The following NFAT5 variants were observed in gnomAD, a reference collection of about 807,000 sequenced individuals.
NFAT5 encodes nuclear factor of activated T-cells 5.
NFAT5 carries 31 observed loss-of-function variants against 166.5 expected under a neutral mutation model. The observed-to-expected ratio is 0.19, with a 90% CI of 0.14 to 0.25. The LOEUF (loss-of-function observed/expected upper bound fraction) is 0.25, where lower values mean the gene tolerates loss of function less well. Ranked by LOEUF, NFAT5 falls within the 10% of genes least tolerant of loss-of-function variation. NFAT5 has a pLI of 1.00. For synonymous variants in NFAT5, 612 were observed against 639.7 expected, an observed-to-expected ratio of 0.96 and a Z score of 0.65; for missense variants, 1,449 against 1,821.8, an observed-to-expected ratio of 0.80 and a Z score of 3.72.
At chr16:69,615,141 A>G (rs935548863) in intron 2 of NFAT5, among the ~76,000 whole-genome samples, 1 of 151,380 alleles carries the variant, frequency 6.6e-6, no homozygotes, top group Non-Finnish European at 1.5e-5. Context: ...TCCTGGGTTC[A>G]AGAGATTCTT....
intron 7 of NFAT5, among the ~76,000 whole-genome samples, chr16:69,667,230 A>G (rs1444493101): frequency 6.6e-6 from 1 of 150,890 alleles, no homozygotes; most frequent in Non-Finnish European, 1.5e-5. Flanking sequence ...CTAGATGACG[A>G]GTTAGTGGGT....
chr16:69,621,004 G>C (rs925941975), intron 2 of NFAT5, among the ~76,000 whole-genome samples: 1 of 152,022 alleles, frequency 6.6e-6, no homozygotes, highest in Non-Finnish European at 1.5e-5. Flanking sequence ...TCTTCTTCTT[G>C]TTTACAATAA....
chr16:69,610,209 G>A (rs1033604904), intron 2 of NFAT5, among the ~76,000 whole-genome samples: 2 of 152,128 alleles, frequency 1.3e-5, no homozygotes, highest in African/African-American at 4.8e-5. Context: ...ATAATGGGGT[G>A]GAAGTTGGAA....
intron 3 of NFAT5, among the ~76,000 whole-genome samples, chr16:69,646,356 T>G (rs964623415): frequency 6.6e-6 from 1 of 152,242 alleles, no homozygotes; most frequent in African/African-American, 2.4e-5. Context: ...TTCATCTTGA[T>G]TCTCCTAGAT....
rs137954061 is a variant in NFAT5 at position 69,646,297 on chromosome 16, C to T, written c.254-731C>T. ...CTACCACTTCCAGCTTCTGGAGACC[C>T]AATGATTAACTTGCTTCTACAACCC... On this transcript the variant is annotated intron_variant, in intron 3 of 14. Coordinates refer to ENST00000349945, the MANE Select transcript of NFAT5 (RefSeq NM_138713.4). Among the ~76,000 whole-genome samples the T allele has an allele frequency of 3.0e-4, 45 of 152,290 alleles. No individual in the cohort carries two copies. The East Asian group carries it at 8.3e-3, about 28-fold the overall frequency.
intron 2 of NFAT5, among the ~76,000 whole-genome samples, chr16:69,590,458 C>G (rs1376602103): frequency 6.6e-6 from 1 of 152,078 alleles, no homozygotes; most frequent in Non-Finnish European, 1.5e-5. Context: ...CTAGTTCTTT[C>G]TTTGTATTTG....
At chr16:69,670,585 C>G (rs1174507715) in intron 9 of NFAT5, among the ~76,000 whole-genome samples, 1 of 152,142 alleles carries the variant, frequency 6.6e-6, no homozygotes, top group Non-Finnish European at 1.5e-5. Flanking sequence ...TCTTAATCCA[C>G]TATATAGTTA....
chr16:69,574,671 T>G (rs1210415375), intron 2 of NFAT5, among the ~76,000 whole-genome samples: 1 of 152,048 alleles, frequency 6.6e-6, no homozygotes, highest in East Asian at 1.9e-4. Context: ...TTTTCTCTTT[T>G]TTTTTTTTGG....
chr16:69,701,400 A>C lies in NFAT5; in HGVS notation c.*5049A>C, dbSNP rs2037896285. 6.6e-6 allele frequency: 1 copy of C among 152,608 alleles called. No homozygotes were observed. The highest frequency in any genetic ancestry group is 1.5e-5 in the Non-Finnish European group (1 of 68,024). 9.5% of individuals were successfully genotyped at this position (152,608 alleles called of 1,614,324 possible). A position where few individuals can be genotyped will look rare whatever the true frequency, so the allele number is the denominator to read the frequency against. ...ATGGAAAAGTGCCTTTTTATCATTT[A>C]TAATTTCATTTTTCACTATTTCCAA... On this transcript the variant is annotated 3_prime_UTR_variant, in exon 15 of 15. Transcript: ENST00000349945.
rs761189845 is a variant in NFAT5 at position 69,588,340 on chromosome 16, A to G, written c.127+19792A>G. On this transcript the variant is annotated intron_variant, in intron 2 of 14. Transcript: ENST00000349945. ...ATATCTTTTCTAATTATAAAAACCA[A>G]CTAACTCCTGAGAATACTTAAGACA... Among the ~76,000 whole-genome samples, 21 of 152,176 alleles carry G rather than the reference A, an allele frequency of 1.4e-4. 1 individual carries two copies. The highest frequency in any genetic ancestry group is 6.5e-5 in the Admixed American group (1 of 15,272).
chr16:69,639,119 T>C (rs2035096552), intron 3 of NFAT5, among the ~76,000 whole-genome samples: 1 of 152,222 alleles, frequency 6.6e-6, no homozygotes, highest in Non-Finnish European at 1.5e-5. Flanking sequence ...TATCCAGTGG[T>C]ACTTAAATCA....
chr16:69,666,917 C>A (rs1273779139), intron 7 of NFAT5, among the ~76,000 whole-genome samples: 1 of 151,850 alleles, frequency 6.6e-6, no homozygotes, highest in Admixed American at 6.6e-5. Flanking sequence ...GACTTGGAAC[C>A]AACCCAGATG....
chr16:69,655,621 A>C lies in NFAT5; in HGVS notation c.1018A>C (p.Asn340His). 1 of 1,593,644 alleles carries C rather than the reference A, an allele frequency of 6.3e-7. No individual in the cohort carries two copies. Residue 340 changes from asparagine to histidine, a missense_variant, in exon 6 of 15, where the codon AAT (asparagine) becomes CAT (histidine). Physicochemically the swap from Asn to His is moderately conservative, Grantham distance 68. Coordinates refer to ENST00000349945, the MANE Select transcript of NFAT5 (RefSeq NM_138713.4). ...TTTCTGGTTTCAGCTGGAAGGCCATAATGAACCTGTAGTGTTGCAAGTGTT... is the reference window on the plus strand; with the variant it reads ...TTTCTGGTTTCAGCTGGAAGGCCATCATGAACCTGTAGTGTTGCAAGTGTT... The part of the protein sequence containing the change: ...GFPTVKLEGH[N>H]EPVVLQVFVG...
chr16:69,599,120 A>G (rs1270530636), intron 2 of NFAT5, among the ~76,000 whole-genome samples: 1 of 151,896 alleles, frequency 6.6e-6, no homozygotes, highest in East Asian at 1.9e-4. Context: ...TGGAGGTTGG[A>G]GAATGACTGC....
intron 14 of NFAT5, 200 bp downstream of exon 14, chr16:69,695,579 C>T: frequency 2.0e-6 from 1 of 506,384 alleles, no homozygotes; most frequent in Non-Finnish European, 3.5e-6. Context: ...CGTGGTGGCT[C>T]ATGCCTGTAA....
chr16:69,647,340 G>A lies in NFAT5; in HGVS notation c.566G>A (p.Ser189Asn). 1.2e-6 allele frequency: 2 copies of A among 1,614,186 alleles called. No homozygotes were observed. The highest frequency in any genetic ancestry group is 1.7e-6 in the Non-Finnish European group (2 of 1,180,036). The change falls in exon 4 of 15, where the codon AGC (serine) becomes AAC (asparagine). Residue 189 changes from serine (S) to asparagine (N), a missense_variant. Transcript: ENST00000349945. This position sits in a 1 kb window ranked among gnomAD's most constrained non-coding sequence, Gnocchi z 4.8. ...GGGTGTGGATTGGAATCTGAGCAGA[G>A]CTGCAGTATGTGGATGGAGGATTCC... ...DEGCGLESEQ[S>N]CSMWMEDSPS...
chr16:69,680,567 T>A (rs1448133316), intron 10 of NFAT5, among the ~76,000 whole-genome samples: 10 of 152,210 alleles, frequency 6.6e-5, no homozygotes, highest in Non-Finnish European at 1.2e-4. Context: ...CAATCATTAC[T>A]GTATGTTTGC....
intron 3 of NFAT5, among the ~76,000 whole-genome samples, chr16:69,629,937 G>C (rs2034636254): frequency 6.7e-6 from 1 of 149,978 alleles, no homozygotes; most frequent in South Asian, 2.1e-4. Context: ...ATGGACCTGG[G>C]TAATTTTTTT....
chr16:69,648,962 C>T (rs1597467903), intron 4 of NFAT5: 1 of 977,124 alleles, frequency 1.0e-6, no homozygotes, highest in South Asian at 4.7e-5. Context: ...CGCTTCTTTA[C>T]CTCCTTAAGG....
Sources: gnomAD v4.1 joint callset for allele counts (sites outside exome capture counted in the v4.1 genomes callset) on GRCh38, gnomAD v4.1.1 for gene constraint, Gnocchi (gnomAD v3.1) non-coding constraint, MANE v1.5 for transcripts, NCBI Gene and HGNC (gene_info 2026-07-23, HGNC 2026-07-21) for gene names.